Variants in F10 observed in about 807,000 individuals in gnomAD.
F10 encodes Stuart-Prower factor.
F10 carries 29 observed loss-of-function variants against 37.1 expected under a neutral mutation model. That is an observed-to-expected ratio of 0.78 (90% CI 0.58 to 1.07). F10 has a LOEUF of 1.07. F10 is among the 50% of genes least tolerant of loss of function. F10 has a pLI of 0.00. For synonymous variants in F10, 262 were observed against 268.6 expected (o/e 0.98, Z 0.24); for missense variants, 539 against 667.9 (o/e 0.81, Z 2.13).
chr13:113,143,797 G>T lies in F10; in HGVS notation c.503-54G>T. ...TTCTCCCTCAGGGTGAGCTGTGCAG[G>T]CTATGGGGAGCCTCTCTCTGTGCTG... On this transcript the variant is annotated intron_variant, in intron 5 of 7. Coordinates refer to ENST00000375559, the MANE Select transcript of F10 (RefSeq NM_000504.4). This position sits in a 1 kb window ranked among gnomAD's most constrained non-coding sequence, Gnocchi z 6.8. 6.2e-7 allele frequency: 1 copy of T among 1,604,212 alleles called. No individual in the cohort carries two copies. The highest frequency in any genetic ancestry group is 8.5e-7 in the Non-Finnish European group (1 of 1,179,844).
At chr13:113,133,818 T>C (rs1464529820) in intron 2 of F10, among the ~76,000 whole-genome samples, 1 of 152,056 alleles carries the variant, frequency 6.6e-6, no homozygotes, top group East Asian at 1.9e-4. Context: ...TTTAAAAGAG[T>C]AATAATACAC....
In F10 at chr13:113,123,018, C is replaced by T. The variant is rs7319750; in HGVS notation, c.70+93C>T. 6.1e-4 allele frequency: 866 copies of T among 1,414,872 alleles called. 1 individual carries two copies. In the East Asian group the frequency reaches 0.011, roughly 17 times the overall value. The allele number at this position is 1,414,872 out of a possible 1,614,324, so 87.6% of individuals were successfully genotyped here. The stretch of plus-strand genomic sequence containing the variant: ...AACCCTCTCATCTCTGCAGCCTGGA[C>T]GGTGGGTGCCTTGAGTGCTGCCAGA... On this transcript the variant is annotated intron_variant, in intron 1 of 7. Coordinates refer to ENST00000375559, the MANE Select transcript of F10 (RefSeq NM_000504.4).
chr13:113,143,708 C>A lies in F10; in HGVS notation c.503-143C>A. 3.2e-6 allele frequency: 4 copies of A among 1,236,360 alleles called. No individual in the cohort carries two copies. The highest frequency in any genetic ancestry group is 2.3e-5 in the Admixed American group (1 of 42,778). 76.6% of individuals were successfully genotyped at this position (1,236,360 alleles called of 1,614,324 possible). On this transcript the variant is annotated intron_variant, in intron 5 of 7. Coordinates refer to ENST00000375559, the MANE Select transcript of F10 (RefSeq NM_000504.4). This position sits in a 1 kb window ranked among gnomAD's most constrained non-coding sequence, Gnocchi z 6.8. Reference sequence around the variant, plus strand: ...CCGACCCCTGCCGACGACGTGGGGCCTCGCCCTGCAAGCCCGCTGCCCCTC... The same window carrying A: ...CCGACCCCTGCCGACGACGTGGGGCATCGCCCTGCAAGCCCGCTGCCCCTC...
chr13:113,132,836 T>C (rs1230179175), intron 2 of F10, among the ~76,000 whole-genome samples: 2 of 152,240 alleles, frequency 1.3e-5, no homozygotes, highest in Admixed American at 1.3e-4. Context: ...CAAGGTAGAC[T>C]ATATCCTGTG....
intron 2 of F10, among the ~76,000 whole-genome samples, chr13:113,137,699 C>T (rs889132845): frequency 1.3e-5 from 2 of 152,240 alleles, no homozygotes; most frequent in East Asian, 1.9e-4. Flanking sequence ...CAGGAGCACC[C>T]GGCAATCATG....
chr13:113,134,830 A>G (rs1348409127), intron 2 of F10, among the ~76,000 whole-genome samples: 1 of 152,240 alleles, frequency 6.6e-6, no homozygotes, highest in African/African-American at 2.4e-5. Flanking sequence ...AAGCTAATAA[A>G]ACATATACAG....
intron 2 of F10, among the ~76,000 whole-genome samples, chr13:113,133,572 C>T (rs1223692366): frequency 6.6e-6 from 1 of 152,140 alleles, no homozygotes; most frequent in Admixed American, 6.5e-5. Flanking sequence ...TGTTCAGGTA[C>T]AGATGGTTTC....
In F10 at chr13:113,143,703, GGGGCCTCGCCCTGC is replaced by G; in HGVS notation, c.503-147_503-134del. The G allele has an allele frequency of 1.7e-5, 20 of 1,188,194 alleles. No individual in the cohort carries two copies. Among genetic ancestry groups the G allele is most frequent in the Admixed American group, 1.4e-4 (6 of 42,338 alleles). The allele number at this position is 1,188,194 out of a possible 1,614,324, so 73.6% of individuals were successfully genotyped here. ...CAGATCCGACCCCTGCCGACGACGTGGGGCCTCGCCCTGCAAGCCCGCTGCCCCTCCGGGTGCCC... is the reference window on the plus strand; with the variant it reads ...CAGATCCGACCCCTGCCGACGACGTGAAGCCCGCTGCCCCTCCGGGTGCCC... On this transcript the variant is annotated intron_variant, in intron 5 of 7. Coordinates refer to ENST00000375559, the MANE Select transcript of F10 (RefSeq NM_000504.4). This position sits in a 1 kb window ranked among gnomAD's most constrained non-coding sequence, Gnocchi z 6.8.
At chr13:113,133,186 TAGAAAAAA>T (rs1276125417) in intron 2 of F10, among the ~76,000 whole-genome samples, 8 of 151,104 alleles carry the variant, frequency 5.3e-5, no homozygotes, top group South Asian at 2.1e-4. Context: ...TTTAATAAAC[TAGAAAAAA>T]AGAAAAAAAT....
intron 6 of F10, among the ~76,000 whole-genome samples, chr13:113,145,044 A>G (rs1285114370): frequency 6.6e-6 from 1 of 152,084 alleles, no homozygotes; most frequent in Non-Finnish European, 1.5e-5. Flanking sequence ...ACGCCCAGCT[A>G]ATTTTTTTTG....
At chr13:113,123,667 CG>C (rs1220533521) in intron 1 of F10, among the ~76,000 whole-genome samples, 2 of 152,160 alleles carry the variant, frequency 1.3e-5, no homozygotes, top group Non-Finnish European at 2.9e-5. Flanking sequence ...GAGGGAGAGA[CG>C]GAGCAGGGGG....
At chr13:113,133,547 C>A (rs2036452866) in intron 2 of F10, among the ~76,000 whole-genome samples, 1 of 152,080 alleles carries the variant, frequency 6.6e-6, no homozygotes, top group Non-Finnish European at 1.5e-5. Context: ...AATTTAAAAC[C>A]TTCTGAAAAA....
chr13:113,129,702 G>A, intron 2 of F10, 90 bp downstream of exon 2: 3 of 1,553,072 alleles, frequency 1.9e-6, no homozygotes, highest in South Asian at 2.2e-5. Context: ...CAGGGGGGCG[G>A]CCTGGAGGAA....
At chr13:113,148,391 CAT>C (rs569007060) in intron 7 of F10, among the ~76,000 whole-genome samples, 2 of 24,444 alleles carry the variant, frequency 8.2e-5, no homozygotes, top group East Asian at 4.1e-3. Flanking sequence ...TATATATATA[CAT>C]ATATATACAC....
chr13:113,123,873 G>A (rs1290968042), intron 1 of F10, among the ~76,000 whole-genome samples: 2 of 146,862 alleles, frequency 1.4e-5, no homozygotes, highest in South Asian at 2.3e-4. Flanking sequence ...TGTCTCCCAC[G>A]CGGAACGGGA....
intron 2 of F10, chr13:113,130,717 C>G (rs911108370): frequency 6.5e-6 from 1 of 153,384 alleles, no homozygotes; most frequent in Non-Finnish European, 1.5e-5. Flanking sequence ...TCACCTGCAG[C>G]CTGGGACCAC....
chr13:113,140,136 C>T (rs1029293167), intron 4 of F10, among the ~76,000 whole-genome samples: 2 of 148,326 alleles, frequency 1.3e-5, no homozygotes, highest in Non-Finnish European at 3.0e-5. Context: ...TGCAGTGGCA[C>T]GATCTCAGCT....
chr13:113,142,286 A>G (rs954339220), intron 5 of F10, among the ~76,000 whole-genome samples: 2 of 152,204 alleles, frequency 1.3e-5, no homozygotes, highest in Non-Finnish European at 2.9e-5. Flanking sequence ...TCATGCCTGT[A>G]ATCCCAGCAT....
At chr13:113,147,033 G>A (rs961959116) in intron 6 of F10, among the ~76,000 whole-genome samples, 4 of 152,190 alleles carry the variant, frequency 2.6e-5, no homozygotes, top group African/African-American at 9.7e-5. Flanking sequence ...GCACAGACTG[G>A]CGTCTCCTGG....
Sources: gnomAD v4.1 joint callset for allele counts (sites outside exome capture counted in the v4.1 genomes callset) on GRCh38, gnomAD v4.1.1 for gene constraint, Gnocchi (gnomAD v3.1) non-coding constraint, MANE v1.5 for transcripts, NCBI Gene and HGNC (gene_info 2026-07-23, HGNC 2026-07-21) for gene names.